Variants in SMURF2 observed in about 807,000 individuals in gnomAD.
SMURF2 encodes the protein E3 ubiquitin-protein ligase SMURF2.
A neutral mutation model predicts 109.6 loss-of-function variants in SMURF2; 48 were observed. That is an observed-to-expected ratio of 0.44 (90% confidence interval 0.35 to 0.56). SMURF2 has a LOEUF of 0.56. SMURF2 is among the 20% of genes least tolerant of loss of function. The pLI is 0.01. For missense variants in SMURF2, 575 were observed against 909.0 expected (o/e 0.63, Z 4.72); for synonymous variants, 288 against 317.1 (o/e 0.91, Z 0.97).
rs1305469046 is a variant in SMURF2, at chr17:64,662,006, G to T, written c.-126C>A. ...GGCGCCTCGGCCGCCACGGCCGGAGGGTCCCGGATGTGCCGAGAGTCGTCG... is the reference window on the plus strand; with the variant it reads ...GGCGCCTCGGCCGCCACGGCCGGAGTGTCCCGGATGTGCCGAGAGTCGTCG... On this transcript the variant is annotated 5_prime_UTR_variant, in exon 1 of 19. Transcript: ENST00000262435. 1.8e-6 allele frequency: 2 copies of T among 1,112,758 alleles called. No homozygotes were observed. Among genetic ancestry groups the T allele is most frequent in the South Asian group, 4.3e-5 (1 of 23,312 alleles). The allele number at this position is 1,112,758 out of a possible 1,614,324, so 68.9% of individuals were successfully genotyped here. A position where few individuals can be genotyped will look rare whatever the true frequency, so the allele number is the denominator to read the frequency against.
At chr17:64,595,271 G>T (rs1464411907) in intron 3 of SMURF2, among the ~76,000 whole-genome samples, 2 of 152,162 alleles carry the variant, frequency 1.3e-5, no homozygotes, top group Non-Finnish European at 2.9e-5. Context: ...GAAATATATT[G>T]TATTACTTAA....
intron 10 of SMURF2, among the ~76,000 whole-genome samples, chr17:64,570,430 T>A (rs1372090124): frequency 6.6e-6 from 1 of 152,200 alleles, no homozygotes. Flanking sequence ...GCCAGAAGTG[T>A]TGAAAAAGAC....
chr17:64,589,676 T>C (rs1381061374), intron 5 of SMURF2, among the ~76,000 whole-genome samples: 8 of 151,864 alleles, frequency 5.3e-5, no homozygotes, highest in African/African-American at 9.7e-5. Context: ...GAGACTCTCA[T>C]GCCTGATGAT....
chr17:64,658,753 C>G (rs1970735934), intron 1 of SMURF2, among the ~76,000 whole-genome samples: 1 of 152,130 alleles, frequency 6.6e-6, no homozygotes, highest in African/African-American at 2.4e-5. Context: ...AAAGTTTTTA[C>G]TGTAAAGAAT....
intron 1 of SMURF2, among the ~76,000 whole-genome samples, chr17:64,608,803 A>G (rs1463850025): frequency 1.3e-5 from 2 of 151,424 alleles, no homozygotes; most frequent in Admixed American, 1.3e-4. Flanking sequence ...CTAAACCACC[A>G]TGTTCTCGGG....
intron 1 of SMURF2, among the ~76,000 whole-genome samples, chr17:64,622,210 T>C (rs1310134925): frequency 1.3e-5 from 2 of 151,940 alleles, no homozygotes; most frequent in African/African-American, 4.8e-5. Context: ...ATAAACTTTT[T>C]ATTTTAGAAT....
chr17:64,550,642 T>C (rs1477933176), intron 16 of SMURF2, among the ~76,000 whole-genome samples: 1 of 151,090 alleles, frequency 6.6e-6, no homozygotes, highest in East Asian at 2.0e-4. Flanking sequence ...TAGCTGGACG[T>C]GGTGGCAGGT....
chr17:64,562,312 AAGAG>A (rs1286113740), intron 11 of SMURF2, among the ~76,000 whole-genome samples: 43 of 148,516 alleles, frequency 2.9e-4, no homozygotes, highest in African/African-American at 7.0e-4. Flanking sequence ...AAAAAAAAAA[AAGAG>A]AGAGAGAGAA....
intron 10 of SMURF2, among the ~76,000 whole-genome samples, chr17:64,565,580 T>C (rs1181071577): frequency 1.3e-5 from 2 of 151,324 alleles, no homozygotes; most frequent in African/African-American, 4.9e-5. Context: ...GGGAAATAAG[T>C]AATTAGTGTT....
intron 2 of SMURF2, among the ~76,000 whole-genome samples, chr17:64,599,432 T>C (rs879976379): frequency 6.6e-6 from 1 of 152,178 alleles, no homozygotes; most frequent in Non-Finnish European, 1.5e-5. Flanking sequence ...ATCTGAACAG[T>C]AAAGAAAGGG....
chr17:64,587,650 C>T (rs1969682406), intron 5 of SMURF2, among the ~76,000 whole-genome samples: 1 of 152,146 alleles, frequency 6.6e-6, no homozygotes, highest in Non-Finnish European at 1.5e-5. Context: ...AATCTTCCAG[C>T]TCTGTAAACA....
chr17:64,631,098 G>A (rs192982953), intron 1 of SMURF2, among the ~76,000 whole-genome samples: 1 of 151,488 alleles, frequency 6.6e-6, no homozygotes, highest in African/African-American at 2.4e-5. Context: ...GTCCAGGAGT[G>A]CAAGACCAGC....
chr17:64,600,806 A>G (rs1261732064), intron 2 of SMURF2, among the ~76,000 whole-genome samples: 8 of 152,148 alleles, frequency 5.3e-5, no homozygotes, highest in African/African-American at 1.7e-4. Context: ...TTTTCACTCT[A>G]CTATTTAAAT....
At chr17:64,555,040 C>G (rs1165360252) in intron 14 of SMURF2, 47 bp from the exon 15 acceptor site, 1 of 1,560,552 alleles carries the variant, frequency 6.4e-7, no homozygotes, top group African/African-American at 1.4e-5. Context: ...ACCTAAAATA[C>G]AGACCCTATA....
At chr17:64,629,108 C>T (rs1371889385) in intron 1 of SMURF2, among the ~76,000 whole-genome samples, 1 of 152,274 alleles carries the variant, frequency 6.6e-6, no homozygotes, top group East Asian at 1.9e-4. Context: ...CCCATGCCCA[C>T]CAGAACCTCA....
At chr17:64,546,097 C>T in intron 18 of SMURF2, 150 bp from the exon 19 acceptor site, 1 of 935,702 alleles carries the variant, frequency 1.1e-6, no homozygotes, top group South Asian at 1.7e-5. Context: ...TTTGGGTTTT[C>T]CTACCAATTT....
intron 1 of SMURF2, among the ~76,000 whole-genome samples, chr17:64,614,702 C>G (rs1282019371): frequency 6.6e-6 from 1 of 152,156 alleles, no homozygotes; most frequent in Non-Finnish European, 1.5e-5. Flanking sequence ...TCTTGAGATA[C>G]TTAGGGAGAA....
At chr17:64,556,103 A>T (rs948749783) in intron 13 of SMURF2, 105 bp from the exon 14 acceptor site, 36 of 825,212 alleles carry the variant, frequency 4.4e-5, no homozygotes, top group Non-Finnish European at 6.5e-5. Flanking sequence ...TAAGCATAAA[A>T]TTTTTACTCT....
chr17:64,613,574 G>A (rs182939741), intron 1 of SMURF2, among the ~76,000 whole-genome samples: 3 of 152,090 alleles, frequency 2.0e-5, no homozygotes, highest in Admixed American at 2.0e-4. Flanking sequence ...GGCGAGGCCA[G>A]AACAAAGGCT....
Sources: gnomAD v4.1 joint callset for allele counts (sites outside exome capture counted in the v4.1 genomes callset) on GRCh38, gnomAD v4.1.1 for gene constraint, MANE v1.5 for transcripts, NCBI Gene and HGNC (gene_info 2026-07-23, HGNC 2026-07-21) for gene names.